The following MARCHF3 variants were observed in gnomAD, a reference collection of about 807,000 sequenced individuals.
MARCHF3 encodes the protein membrane associated ring-CH-type finger 3, also known as E3 ubiquitin-protein ligase MARCHF3.
A neutral mutation model predicts 24.2 loss-of-function variants in MARCHF3; 13 were observed. That is an observed-to-expected ratio of 0.54 (90% CI 0.35 to 0.85). The LOEUF is 0.85. Among genes scored for constraint, MARCHF3 ranks in the 40% least tolerant of loss-of-function variants. MARCHF3 has a pLI of 0.01. For synonymous variants in MARCHF3, 144 were observed against 137.3 expected, an observed-to-expected ratio of 1.05 and a Z score of -0.34; for missense variants, 276 against 325.0, an observed-to-expected ratio of 0.85 and a Z score of 1.16.
chr5:126,983,875 T>C (rs188869092), intron 1 of MARCHF3, among the ~76,000 whole-genome samples: 12 of 152,358 alleles, frequency 7.9e-5, no homozygotes, highest in Admixed American at 7.8e-4. Flanking sequence ...TTCCTTCATC[T>C]TTTTCATGTT....
At chr5:126,875,041 G>A (rs990689834) in intron 4 of MARCHF3, among the ~76,000 whole-genome samples, 1 of 152,168 alleles carries the variant, frequency 6.6e-6, no homozygotes, top group Non-Finnish European at 1.5e-5. Flanking sequence ...TGTACATGGT[G>A]CCTCAATTCT....
intron 1 of MARCHF3, among the ~76,000 whole-genome samples, chr5:126,950,486 A>G (rs1209421584): frequency 6.6e-6 from 1 of 152,152 alleles, no homozygotes; most frequent in Admixed American, 6.5e-5. Context: ...TCCACAGAGA[A>G]CTTCCACAGA....
chr5:126,990,013 A>G (rs1751697757), intron 1 of MARCHF3, among the ~76,000 whole-genome samples: 1 of 152,016 alleles, frequency 6.6e-6, no homozygotes, highest in Non-Finnish European at 1.5e-5. Flanking sequence ...TCAAGCTACC[A>G]AAGACTTTCT....
chr5:126,909,287 T>C (rs1754420259), intron 3 of MARCHF3, among the ~76,000 whole-genome samples: 1 of 152,250 alleles, frequency 6.6e-6, no homozygotes, highest in South Asian at 2.1e-4. Flanking sequence ...GTCTGTGCCC[T>C]GCACGCAGAA....
chr5:126,983,299 G>A (rs1019925996), intron 1 of MARCHF3, among the ~76,000 whole-genome samples: 1 of 152,202 alleles, frequency 6.6e-6, no homozygotes, highest in Non-Finnish European at 1.5e-5. Context: ...GGGCAGGGAA[G>A]GGGTGGGCAG....
chr5:126,884,430 C>T (rs1365062078), intron 3 of MARCHF3, among the ~76,000 whole-genome samples: 2 of 152,182 alleles, frequency 1.3e-5, no homozygotes, highest in Non-Finnish European at 2.9e-5. Context: ...AGAGTATTTG[C>T]TCATGCTTTG....
At chr5:126,914,568 T>G (rs144350029) in intron 3 of MARCHF3, 1 of 331,878 alleles carries the variant, frequency 3.0e-6, no homozygotes, top group Non-Finnish European at 5.6e-6. Flanking sequence ...CTGCTTCAAG[T>G]TGGGCAGATG....
chr5:126,907,862 T>C (rs1391881025), intron 3 of MARCHF3, among the ~76,000 whole-genome samples: 2 of 151,870 alleles, frequency 1.3e-5, no homozygotes, highest in Admixed American at 6.6e-5. Context: ...ATCCTGTCAT[T>C]ATGATGTTAG....
intron 2 of MARCHF3, 22 bp downstream of exon 2, chr5:126,917,962 T>G (rs1748953665): frequency 2.5e-6 from 4 of 1,606,088 alleles, no homozygotes; most frequent in Non-Finnish European, 1.7e-6. Context: ...TACAGATTCA[T>G]TTATTTTAAT....
intron 1 of MARCHF3, among the ~76,000 whole-genome samples, chr5:126,965,044 G>A (rs1297388839): frequency 6.6e-6 from 1 of 151,250 alleles, no homozygotes; most frequent in East Asian, 1.9e-4. Context: ...AAAAAAAGAG[G>A]GAATTTACAT....
intron 1 of MARCHF3, among the ~76,000 whole-genome samples, chr5:127,015,412 G>A (rs1268243477): frequency 6.6e-6 from 1 of 152,142 alleles, no homozygotes; most frequent in East Asian, 1.9e-4. Context: ...AACGTTAAAT[G>A]ATTATTTATT....
At chr5:126,915,595 G>A (rs1580637947) in intron 2 of MARCHF3, among the ~76,000 whole-genome samples, 1 of 152,184 alleles carries the variant, frequency 6.6e-6, no homozygotes, top group Admixed American at 6.5e-5. Flanking sequence ...AGAATGAGAG[G>A]AGGGAAGTTA....
chr5:127,004,370 A>T (rs1376707761), intron 1 of MARCHF3, among the ~76,000 whole-genome samples: 1 of 152,138 alleles, frequency 6.6e-6, no homozygotes, highest in Non-Finnish European at 1.5e-5. Context: ...AGAGCCTGAT[A>T]CTTGTAGAAA....
intron 1 of MARCHF3, among the ~76,000 whole-genome samples, chr5:126,976,899 C>T (rs904648232): frequency 1.4e-4 from 21 of 152,214 alleles, no homozygotes; most frequent in African/African-American, 4.8e-4. Flanking sequence ...TTACATCCAC[C>T]GATCCTGGGT....
chr5:126,983,483 T>G (rs190042695), intron 1 of MARCHF3, among the ~76,000 whole-genome samples: 153 of 152,234 alleles, frequency 1.0e-3, no homozygotes, highest in African/African-American at 3.5e-3. Context: ...AGGGCAGGGA[T>G]CTAAATATGG....
intron 3 of MARCHF3, among the ~76,000 whole-genome samples, chr5:126,882,259 TCAG>T (rs1753368972): frequency 6.6e-6 from 1 of 152,244 alleles, no homozygotes; most frequent in Non-Finnish European, 1.5e-5. Flanking sequence ...TTTTAACTTT[TCAG>T]CTAGGTGGGA....
rs1436755156 is a variant in MARCHF3 at position 126,899,523 on chromosome 5, T to C, written c.393+15407A>G. Among the ~76,000 whole-genome samples the C allele has an allele frequency of 3.3e-5, 5 of 152,062 alleles. No homozygotes were observed. The East Asian group carries it at 7.7e-4, about 23-fold the overall frequency. ...TCCTCCTAAGGAATTGGTAACATAA[T>C]GACTCAGTAAACTGAAGACTCAAAT... On this transcript the variant is annotated intron_variant, in intron 3 of 4. Coordinates refer to ENST00000308660, the MANE Select transcript of MARCHF3 (RefSeq NM_178450.5).
At chr5:126,881,603 A>G (rs1028268930) in intron 3 of MARCHF3, among the ~76,000 whole-genome samples, 1 of 152,210 alleles carries the variant, frequency 6.6e-6, no homozygotes, top group Non-Finnish European at 1.5e-5. Flanking sequence ...TGTACATTTT[A>G]TATTTACTGG....
intron 1 of MARCHF3, among the ~76,000 whole-genome samples, chr5:126,983,156 T>C (rs1221826977): frequency 6.6e-6 from 1 of 152,190 alleles, no homozygotes; most frequent in African/African-American, 2.4e-5. Flanking sequence ...ATCACATCGC[T>C]GGATGCCACC....
Sources: gnomAD v4.1 joint callset for allele counts (sites outside exome capture counted in the v4.1 genomes callset) on GRCh38, gnomAD v4.1.1 for gene constraint, MANE v1.5 for transcripts, NCBI Gene and HGNC (gene_info 2026-07-23, HGNC 2026-07-21) for gene names.